The following SLC35F3 variants were observed in gnomAD, a reference collection of about 807,000 sequenced individuals.
The protein encoded by SLC35F3 is putative thiamine transporter SLC35F3.
A neutral mutation model predicts 49.9 loss-of-function variants in SLC35F3; 25 were observed. That is an observed-to-expected ratio of 0.50 (90% CI 0.37 to 0.70). SLC35F3 has a LOEUF of 0.70. Ranked by LOEUF, SLC35F3 falls within the 30% of genes least tolerant of loss-of-function variation. SLC35F3 has a pLI of 0.00. For synonymous variants in SLC35F3, 275 were observed against 265.4 expected (o/e 1.04, Z -0.35); for missense variants, 525 against 639.8 (o/e 0.82, Z 1.94).
At chr1:234,023,231 G>A (rs1165426424) in intron 2 of SLC35F3, among the ~76,000 whole-genome samples, 2 of 152,144 alleles carry the variant, frequency 1.3e-5, no homozygotes, top group Admixed American at 1.3e-4. Flanking sequence ...GTGAACCAGG[G>A]CATTAGTCCT....
In SLC35F3 at chr1:233,905,180, G is replaced by T. The variant is rs1661751759; in HGVS notation, c.53+50G>T. ...GAGCGAGCCGGCGGGCGGGAGGCCG[G>T]AGCGCCGGGGTAGCCCTTTGCAGCT... is the stretch of plus-strand genomic sequence containing the variant. On this transcript the variant is annotated intron_variant, in intron 1 of 7. Coordinates refer to ENST00000366618, the MANE Select transcript of SLC35F3 (RefSeq NM_173508.4). The T allele has an allele frequency of 1.9e-6, 3 of 1,541,946 alleles. No homozygotes were observed. The African/African-American group carries it at 4.1e-5, about 21-fold the overall frequency.
chr1:233,915,565 C>G (rs943305334), intron 2 of SLC35F3, among the ~76,000 whole-genome samples: 5 of 152,044 alleles, frequency 3.3e-5, no homozygotes, highest in African/African-American at 1.2e-4. Context: ...AAAAAAGTCC[C>G]TTGTTTCTAA....
At chr1:234,180,218 A>T (rs537105587) in intron 2 of SLC35F3, among the ~76,000 whole-genome samples, 1 of 152,168 alleles carries the variant, frequency 6.6e-6, no homozygotes, top group African/African-American at 2.4e-5. Context: ...CCTCTTTTTC[A>T]AAAGGATGTG....
intron 2 of SLC35F3, among the ~76,000 whole-genome samples, chr1:234,193,847 C>T (rs1483546291): frequency 2.0e-5 from 3 of 152,102 alleles, no homozygotes; most frequent in African/African-American, 7.2e-5. Context: ...TGAAAAAATG[C>T]TCAACATCAC....
chr1:233,950,303 A>G (rs1027001744), intron 2 of SLC35F3, among the ~76,000 whole-genome samples: 9 of 143,710 alleles, frequency 6.3e-5, no homozygotes, highest in African/African-American at 2.4e-4. Context: ...GGAGAATGAC[A>G]TGGACCCATG....
Position 234,069,262 on chromosome 1 carries a change from A to AT in SLC35F3, c.284-162142dup, listed in dbSNP as rs35052058. On this transcript the variant is annotated intron_variant, in intron 2 of 7. Coordinates refer to ENST00000366618, the MANE Select transcript of SLC35F3 (RefSeq NM_173508.4). ...AATATATAATATATATATAAAATAC[A>AT]TTTTTTTTTTTTTGAGAGGGAGTCT... Among the ~76,000 whole-genome samples, 37 of 128,356 alleles carry AT rather than the reference A, an allele frequency of 2.9e-4. 1 individual carries two copies. Among genetic ancestry groups the AT allele is most frequent in the South Asian group, 1.9e-3 (8 of 4,280 alleles). 84.2% of individuals were successfully genotyped at this position (128,356 alleles called of 152,430 possible).
In SLC35F3 at chr1:234,066,830, CCACACACACACACA is replaced by C. The variant is rs61401819; in HGVS notation, c.283+161105_283+161118del. ...CTCTCTGTCTCTGTCCCTCTCTCTCCCACACACACACACACACACACACACACACACACACACAC... is the reference window on the plus strand; with the variant it reads ...CTCTCTGTCTCTGTCCCTCTCTCTCCCACACACACACACACACACACACAC... On this transcript the variant is annotated intron_variant, in intron 2 of 7. Transcript: ENST00000366618. Among the ~76,000 whole-genome samples, 330 of 135,076 alleles carry C rather than the reference CCACACACACACACA, an allele frequency of 2.4e-3. 1 individual carries two copies. The highest frequency in any genetic ancestry group is 4.6e-3 in the African/African-American group (161 of 35,098). The allele number at this position is 135,076 out of a possible 152,430, so 88.6% of individuals were successfully genotyped here.
intron 2 of SLC35F3, among the ~76,000 whole-genome samples, chr1:233,964,229 G>C (rs79371981): frequency 0.031 from 4,704 of 152,242 alleles, 109 homozygotes; most frequent in South Asian, 0.049. Context: ...TCCTGATTCT[G>C]AGCTCACAAA....
chr1:234,091,981 T>G (rs528748116), intron 2 of SLC35F3, among the ~76,000 whole-genome samples: 1 of 152,308 alleles, frequency 6.6e-6, no homozygotes, highest in African/African-American at 2.4e-5. Flanking sequence ...AAGCTTCTTG[T>G]CCCATGAAGG....
chr1:233,942,170 C>T (rs1662437696), intron 2 of SLC35F3, among the ~76,000 whole-genome samples: 1 of 151,832 alleles, frequency 6.6e-6, no homozygotes, highest in African/African-American at 2.4e-5. Context: ...ACTATGTTGG[C>T]CAGGCTGGTC....
At chr1:234,114,827 C>T (rs1277727937) in intron 2 of SLC35F3, among the ~76,000 whole-genome samples, 2 of 151,998 alleles carry the variant, frequency 1.3e-5, no homozygotes. Flanking sequence ...TATTTCAAAA[C>T]AGTATTTGGA....
chr1:234,291,633 T>G (rs1489644084), intron 3 of SLC35F3, among the ~76,000 whole-genome samples: 1 of 152,194 alleles, frequency 6.6e-6, no homozygotes, highest in Non-Finnish European at 1.5e-5. Flanking sequence ...CTCACTCTGT[T>G]GCCCAGGCTG....
rs781469880 is a variant in SLC35F3, at chr1:234,081,904, A to ATTTTTTTTTTTTTTT, written c.284-149495_284-149481dup. ...AGGCGCCTGCCACCATGCCTGGCTA[A>ATTTTTTTTTTTTTTT]TTTTTTTTTTTTTTTTTTTTTTTTT... On this transcript the variant is annotated intron_variant, in intron 2 of 7. Transcript: ENST00000366618. Among the ~76,000 whole-genome samples the ATTTTTTTTTTTTTTT allele has an allele frequency of 4.8e-4, 19 of 39,228 alleles. 4 individuals are homozygous for ATTTTTTTTTTTTTTT. The highest frequency in any genetic ancestry group is 8.0e-4 in the African/African-American group (6 of 7,466). The allele number at this position is 39,228 out of a possible 152,430, so 25.7% of individuals were successfully genotyped here.
At chr1:234,211,316 C>T (rs530013916) in intron 2 of SLC35F3, among the ~76,000 whole-genome samples, 38 of 152,362 alleles carry the variant, frequency 2.5e-4, no homozygotes, top group African/African-American at 8.7e-4. Flanking sequence ...TACTGGGGCA[C>T]TGCCTAGTGG....
intron 2 of SLC35F3, among the ~76,000 whole-genome samples, chr1:233,939,107 TTAAA>T (rs1662381262): frequency 1.3e-5 from 2 of 152,144 alleles, no homozygotes. Flanking sequence ...GAACACTAAC[TTAAA>T]TAAATAAATA....
At chr1:234,255,002 C>T (rs370470170) in intron 3 of SLC35F3, among the ~76,000 whole-genome samples, 82 of 152,184 alleles carry the variant, frequency 5.4e-4, no homozygotes, top group East Asian at 4.8e-3. Flanking sequence ...ATTTGTTTTG[C>T]GTAATTTATT....
chr1:233,985,567 C>T (rs1663254606), intron 2 of SLC35F3, among the ~76,000 whole-genome samples: 1 of 152,074 alleles, frequency 6.6e-6, no homozygotes, highest in Admixed American at 6.5e-5. Flanking sequence ...CTTGGAGCCG[C>T]TTGAGACCCA....
chr1:234,251,857 TAGTA>T (rs1446080350), intron 3 of SLC35F3, among the ~76,000 whole-genome samples: 4 of 152,174 alleles, frequency 2.6e-5, no homozygotes, highest in African/African-American at 9.7e-5. Context: ...ATACATTACT[TAGTA>T]AGTAATACTG....
chr1:234,321,535 C>A (rs1657620115), intron 7 of SLC35F3, among the ~76,000 whole-genome samples: 1 of 152,220 alleles, frequency 6.6e-6, no homozygotes, highest in Admixed American at 6.5e-5. Flanking sequence ...CCCCTACATT[C>A]TTTGCATCTT....
Sources: gnomAD v4.1 joint callset for allele counts (sites outside exome capture counted in the v4.1 genomes callset) on GRCh38, gnomAD v4.1.1 for gene constraint, MANE v1.5 for transcripts, NCBI Gene and HGNC (gene_info 2026-07-23, HGNC 2026-07-21) for gene names.